Variants in C2CD5 observed in about 807,000 individuals in gnomAD.
C2CD5 encodes C2 calcium dependent domain containing 5, also known as C2 domain-containing protein 5.
In C2CD5, 109 loss-of-function variants were observed where a neutral mutation model predicts 130.3. The observed-to-expected ratio is 0.84, with a 90% CI of 0.72 to 0.98. C2CD5 has a LOEUF of 0.98. Ranked by LOEUF, C2CD5 falls within the 50% of genes least tolerant of loss-of-function variation. The probability of loss-of-function intolerance (pLI) is 0.00; values close to 1 mark genes in which losing one functional copy is unlikely to be tolerated. For synonymous variants in C2CD5, 454 were observed against 429.2 expected, an observed-to-expected ratio of 1.06 and a Z score of -0.71; for missense variants, 996 against 1,261.8, an observed-to-expected ratio of 0.79 and a Z score of 3.19.
At chr12:22,524,186 C>T (rs1950529386) in intron 6 of C2CD5, among the ~76,000 whole-genome samples, 1 of 152,024 alleles carries the variant, frequency 6.6e-6, no homozygotes, top group Admixed American at 6.6e-5. Context: ...AAACTAGAAT[C>T]CAGGTTCCCA....
intron 23 of C2CD5, chr12:22,458,887 T>TA (rs1411387712): frequency 2.0e-5 from 4 of 199,610 alleles, no homozygotes; most frequent in Non-Finnish European, 3.0e-5. Context: ...ATACTGTGCT[T>TA]TAACTAACTT....
chr12:22,474,701 T>G (rs745967381), intron 16 of C2CD5, 50 bp downstream of exon 16: 1 of 1,404,788 alleles, frequency 7.1e-7, no homozygotes. Flanking sequence ...TGAAAAAATG[T>G]GTATCTTAGC....
At chr12:22,470,374 A>G (rs1361096721) in intron 21 of C2CD5, among the ~76,000 whole-genome samples, 1 of 152,120 alleles carries the variant, frequency 6.6e-6, no homozygotes, top group Non-Finnish European at 1.5e-5. Context: ...TCTTCAGAAT[A>G]TATATTAAGA....
In C2CD5 at chr12:22,471,481, T is replaced by C. The variant is rs776663686; in HGVS notation, c.2276A>G (p.Tyr759Cys). ...GGGGATCATAGATCGTAGTTTAAAG[T>C]ACAGGCTCTACACAATAGAAAATAT... ...DLCENLLKSL[Y>C]FKLRSMIPCC... Residue 759 changes from tyrosine (Y) to cysteine (C), a missense_variant, in exon 20 of 27, where the codon TAC becomes TGC. By Grantham distance (194) the Tyr-to-Cys change is radical. Transcript: ENST00000446597. 1 of 1,578,734 alleles carries C rather than the reference T, an allele frequency of 6.3e-7. No individual in the cohort carries two copies. Among genetic ancestry groups the C allele is most frequent in the South Asian group, 1.1e-5 (1 of 89,262 alleles).
rs755817578 is a variant in C2CD5, at chr12:22,527,846, A to G, written c.224T>C (p.Leu75Pro). ...ATTTGCACTGTAAGTATCATGGTCA[A>G]GAACTGTGATCTGTAAAGGTTCATC... ...LQDEPLQITV[L>P]DHDTYSANDA... The change falls in exon 4 of 27, where the codon CTT becomes CCT. Residue 75 changes from leucine to proline, a missense_variant. This residue lies in a region of C2CD5 where 68 missense variants were observed against 154.5 expected (regional missense o/e 0.44). Coordinates refer to ENST00000446597, the MANE Select transcript of C2CD5 (RefSeq NM_001286176.2). 4 of 1,611,748 alleles carry G rather than the reference A, an allele frequency of 2.5e-6. No homozygotes were observed. The highest frequency in any genetic ancestry group is 3.4e-6 in the Non-Finnish European group (4 of 1,178,366).
intron 4 of C2CD5, 138 bp downstream of exon 4, chr12:22,527,583 G>A: frequency 4.2e-6 from 2 of 477,646 alleles, no homozygotes; most frequent in Non-Finnish European, 7.2e-6. Context: ...CTCCCAAAGT[G>A]CTGGGATTAC....
chr12:22,511,134 G>A (rs1377503292), intron 9 of C2CD5, among the ~76,000 whole-genome samples: 5 of 142,166 alleles, frequency 3.5e-5, no homozygotes, highest in Middle Eastern at 7.8e-3. Flanking sequence ...TGAATAATCC[G>A]TAAAAGAGAT....
chr12:22,531,418 AATAGT>A (rs1310977646), intron 3 of C2CD5, among the ~76,000 whole-genome samples: 1 of 152,214 alleles, frequency 6.6e-6, no homozygotes, highest in Non-Finnish European at 1.5e-5. Flanking sequence ...ACAGTATGGT[AATAGT>A]ATAAAGACAG....
At chr12:22,472,189 G>A in intron 18 of C2CD5, 97 bp downstream of exon 18, 1 of 864,994 alleles carries the variant, frequency 1.2e-6, no homozygotes, top group South Asian at 1.6e-5. Context: ...TATTTTAATT[G>A]CAATAAGGAG....
chr12:22,469,294 T>C (rs542543500), intron 22 of C2CD5, among the ~76,000 whole-genome samples: 2 of 152,042 alleles, frequency 1.3e-5, no homozygotes, highest in Non-Finnish European at 2.9e-5. Context: ...AACCTCTTCA[T>C]GTATCTTCTG....
At chr12:22,465,799 A>C (rs1017404075) in intron 22 of C2CD5, among the ~76,000 whole-genome samples, 1 of 152,146 alleles carries the variant, frequency 6.6e-6, no homozygotes, top group African/African-American at 2.4e-5. Flanking sequence ...TTTTCTCATA[A>C]CACACTCTTG....
At chr12:22,467,108 C>A (rs1021334542) in intron 22 of C2CD5, among the ~76,000 whole-genome samples, 3 of 152,184 alleles carry the variant, frequency 2.0e-5, no homozygotes, top group Admixed American at 6.5e-5. Context: ...CTCTATGGTT[C>A]AGAGGAGCAG....
chr12:22,523,236 T>C (rs752364590), intron 7 of C2CD5, among the ~76,000 whole-genome samples, 190 bp downstream of exon 7: 2 of 151,964 alleles, frequency 1.3e-5, no homozygotes, highest in Non-Finnish European at 2.9e-5. Flanking sequence ...TAAAAATAAA[T>C]AAGACGGTAT....
chr12:22,476,277 A>G (rs1339750855), intron 15 of C2CD5, among the ~76,000 whole-genome samples: 1 of 152,172 alleles, frequency 6.6e-6, no homozygotes, highest in Non-Finnish European at 1.5e-5. Context: ...CAGGGTGGAC[A>G]TAACACAACA....
intron 3 of C2CD5, among the ~76,000 whole-genome samples, chr12:22,531,040 G>A (rs758880708): frequency 1.3e-5 from 2 of 152,102 alleles, no homozygotes; most frequent in Non-Finnish European, 2.9e-5. Flanking sequence ...GGGGGGGAAA[G>A]GCTATCAAAA....
At chr12:22,505,641 T>C (rs7979051) in intron 10 of C2CD5, among the ~76,000 whole-genome samples, 24,186 of 152,034 alleles carry the variant, frequency 0.16, 3,823 homozygotes, top group African/African-American at 0.41. Context: ...CAAGAACACA[T>C]TCCATATGGA....
intron 2 of C2CD5, 31 bp downstream of exon 2, chr12:22,544,030 T>C (rs770070561): frequency 2.5e-5 from 38 of 1,531,156 alleles, no homozygotes; most frequent in Non-Finnish European, 3.3e-5. Flanking sequence ...TGGCGCTCCC[T>C]GTGTTTTGAG....
intron 3 of C2CD5, among the ~76,000 whole-genome samples, chr12:22,534,294 A>C (rs1173444735): frequency 6.6e-6 from 1 of 152,138 alleles, no homozygotes; most frequent in Non-Finnish European, 1.5e-5. Flanking sequence ...AAACTCTTAC[A>C]AAAAAACATA....
rs913330291 is a variant in C2CD5 at position 22,471,161 on chromosome 12, CAT to C, written c.2358+236_2358+237del. Among the ~76,000 whole-genome samples, 3 of 152,122 alleles carry C rather than the reference CAT, an allele frequency of 2.0e-5. No individual in the cohort carries two copies. In the South Asian group the frequency reaches 6.2e-4, roughly 32 times the overall value. ...AAAAATGGGAACTGGTGAAATCCCACATGATGGGTACAGATCCTACTGTATAC... is the reference window on the plus strand; with the variant it reads ...AAAAATGGGAACTGGTGAAATCCCACGATGGGTACAGATCCTACTGTATAC... On this transcript the variant is annotated intron_variant, in intron 20 of 26. Transcript: ENST00000446597.
Sources: gnomAD v4.1 joint callset for allele counts (sites outside exome capture counted in the v4.1 genomes callset) on GRCh38, gnomAD v4.1.1 for gene constraint, gnomAD v4.1.1 regional missense constraint, MANE v1.5 for transcripts, NCBI Gene and HGNC (gene_info 2026-07-23, HGNC 2026-07-21) for gene names.